Variants in MTA3 observed in about 807,000 individuals in gnomAD.
MTA3 encodes metastasis-associated protein MTA3.
A neutral mutation model predicts 83.5 loss-of-function variants in MTA3; 34 were observed. That is an observed-to-expected ratio of 0.41 (90% CI 0.31 to 0.54). The LOEUF is 0.54. Among genes scored for constraint, MTA3 ranks in the 20% least tolerant of loss-of-function variants. The pLI is 0.33. For missense variants in MTA3, 761 were observed against 726.4 expected (o/e 1.05, Z -0.55); for synonymous variants, 303 against 252.7 (o/e 1.20, Z -1.89).
chr2:42,732,447 A>G (rs768481836), intron 16 of MTA3, among the ~76,000 whole-genome samples: 1 of 152,184 alleles, frequency 6.6e-6, no homozygotes, highest in Non-Finnish European at 1.5e-5. Context: ...CCAAGTCCCT[A>G]GGCTGCACAC....
rs1670242312 is a variant in MTA3, at chr2:42,756,420, G to T, written c.*3021G>T. 1 of 977,624 alleles carries T rather than the reference G, an allele frequency of 1.0e-6. No individual in the cohort carries two copies. The highest frequency in any genetic ancestry group is 1.2e-6 in the Non-Finnish European group (1 of 822,978). 60.6% of individuals were successfully genotyped at this position (977,624 alleles called of 1,614,324 possible). A position where few individuals can be genotyped will look rare whatever the true frequency, so the allele number is the denominator to read the frequency against. ...GAGCCTGGGACAGGCGACCCACCGG[G>T]TCAGTCCCCTGCCACTCAGAGCAGA... On this transcript the variant is annotated 3_prime_UTR_variant, in exon 17 of 17. Transcript: ENST00000405094.
rs140096131 is a variant in MTA3 at position 42,684,934 on chromosome 2, C to T, written c.891+2345C>T. On this transcript the variant is annotated intron_variant, in intron 9 of 16. Transcript: ENST00000405094. ...ATATAATTAATTACTTCTGTCAGTA[C>T]ATGAACAAGTGTATAGGAATATTAA... Among the ~76,000 whole-genome samples the T allele has an allele frequency of 3.7e-3, 558 of 152,298 alleles. 3 individuals are homozygous for T. The highest frequency in any genetic ancestry group is 0.012 in the African/African-American group (493 of 41,568).
chr2:42,672,459 A>G (rs942229234), intron 8 of MTA3, among the ~76,000 whole-genome samples: 1 of 151,904 alleles, frequency 6.6e-6, no homozygotes, highest in African/African-American at 2.4e-5. Context: ...CCTGGCTAAC[A>G]TGGTGAAACC....
chr2:42,715,939 C>T (rs969535846), intron 14 of MTA3, among the ~76,000 whole-genome samples: 3 of 152,236 alleles, frequency 2.0e-5, no homozygotes, highest in African/African-American at 7.2e-5. Flanking sequence ...TTATCTTGTC[C>T]TTATCCCAAA....
intron 16 of MTA3, among the ~76,000 whole-genome samples, chr2:42,725,439 A>G (rs2104549316): frequency 6.6e-6 from 1 of 152,378 alleles, no homozygotes; most frequent in South Asian, 2.1e-4. Flanking sequence ...AGCAAAGTAG[A>G]AACTATATAA....
chr2:42,671,711 G>A (rs112399734), intron 8 of MTA3, among the ~76,000 whole-genome samples: 17 of 152,270 alleles, frequency 1.1e-4, no homozygotes, highest in African/African-American at 4.1e-4. Context: ...TTAGAAGGAA[G>A]TGTGGCTCAT....
At chr2:42,554,574 T>C (rs1677288369) in intron 2 of MTA3, among the ~76,000 whole-genome samples, 1 of 152,132 alleles carries the variant, frequency 6.6e-6, no homozygotes, top group African/African-American at 2.4e-5. Flanking sequence ...GTGACTGCTG[T>C]TGAGATGCAA....
chr2:42,494,426 C>T (rs946670755), upstream of MTA3: 2 of 152,346 alleles, frequency 1.3e-5, no homozygotes, highest in Non-Finnish European at 2.9e-5. Context: ...CGGAGCCCAG[C>T]TCGGGTTCTG....
chr2:42,570,612 T>A, intron 2 of MTA3, 108 bp downstream of exon 2: 1 of 561,514 alleles, frequency 1.8e-6, no homozygotes, highest in Non-Finnish European at 2.9e-6. Flanking sequence ...GCAATCCCAG[T>A]AAATTGGGAG....
chr2:42,702,266 C>G (rs1665649129), intron 11 of MTA3: 1 of 152,202 alleles, frequency 6.6e-6, no homozygotes, highest in African/African-American at 2.4e-5. Flanking sequence ...CCTTAACATA[C>G]ATTGCTGACA....
chr2:42,635,768 TTC>T (rs987040198), intron 4 of MTA3, among the ~76,000 whole-genome samples: 14 of 152,106 alleles, frequency 9.2e-5, no homozygotes, highest in Admixed American at 3.9e-4. Flanking sequence ...ATAGGAATTT[TTC>T]TGTTTTTTTT....
intron 5 of MTA3, among the ~76,000 whole-genome samples, chr2:42,641,643 C>G (rs1291774776): frequency 6.6e-6 from 1 of 151,700 alleles, no homozygotes; most frequent in Non-Finnish European, 1.5e-5. Flanking sequence ...GTCAGGAGTT[C>G]GAGACCAGCC....
intron 3 of MTA3, among the ~76,000 whole-genome samples, chr2:42,605,117 T>C (rs1683092610): frequency 6.8e-6 from 1 of 147,962 alleles, no homozygotes. Context: ...CCAGATGGGG[T>C]GGTGGCCGGG....
intron 9 of MTA3, among the ~76,000 whole-genome samples, chr2:42,691,093 T>G (rs1487756892): frequency 6.6e-6 from 1 of 151,706 alleles, no homozygotes; most frequent in East Asian, 1.9e-4. Context: ...GCCAGGCTGG[T>G]CTTGAACTCC....
At chr2:42,729,903 T>C (rs189966160) in intron 16 of MTA3, among the ~76,000 whole-genome samples, 1 of 152,350 alleles carries the variant, frequency 6.6e-6, no homozygotes, top group East Asian at 1.9e-4. Context: ...ATTTTAACAG[T>C]ATCGATTCTT....
chr2:42,556,631 C>A (rs1470069781), intron 2 of MTA3, among the ~76,000 whole-genome samples: 1 of 152,166 alleles, frequency 6.6e-6, no homozygotes, highest in Non-Finnish European at 1.5e-5. Context: ...TAAAGCTCGA[C>A]CAAGATGGAG....
At chr2:42,697,083 C>A (rs1462755864) in intron 10 of MTA3, among the ~76,000 whole-genome samples, 1 of 152,154 alleles carries the variant, frequency 6.6e-6, no homozygotes, top group Non-Finnish European at 1.5e-5. Flanking sequence ...GCCTTATATT[C>A]TGGTTTGTCT....
chr2:42,741,389 G>A (rs1290755392), intron 16 of MTA3, among the ~76,000 whole-genome samples: 1 of 152,178 alleles, frequency 6.6e-6, no homozygotes, highest in Non-Finnish European at 1.5e-5. Flanking sequence ...ACTTTTCCAA[G>A]TTGCATTCAC....
At chr2:42,531,140 G>C (rs1270666049) in intron 2 of MTA3, among the ~76,000 whole-genome samples, 2 of 152,066 alleles carry the variant, frequency 1.3e-5, no homozygotes, top group East Asian at 1.9e-4. Context: ...CCATGTGGCA[G>C]TATTAAGAGG....
Sources: allele counts gnomAD v4.1 joint callset (sites outside exome capture counted in the v4.1 genomes callset), GRCh38; gene constraint gnomAD v4.1.1; transcripts MANE v1.5; gene names NCBI Gene and HGNC (gene_info 2026-07-23, HGNC 2026-07-21).